PKP2: variants seen among roughly 807,000 people sequenced by gnomAD.
The protein encoded by PKP2 is plakophilin 2, also known as plakophilin-2.
A neutral mutation model predicts 83.4 loss-of-function variants in PKP2; 73 were observed. The observed-to-expected ratio is 0.88, with a 90% CI of 0.72 to 1.06. The LOEUF (loss-of-function observed/expected upper bound fraction) is 1.06. PKP2 is among the 50% of genes least tolerant of loss of function. The pLI is 0.00. For missense variants in PKP2, 966 were observed against 1,065.4 expected (o/e 0.91, Z 1.30); for synonymous variants, 409 against 430.4 (o/e 0.95, Z 0.62).
chr12:32,797,215 G>C (rs2137711803), intron 10 of PKP2, among the ~76,000 whole-genome samples: 1 of 152,096 alleles, frequency 6.6e-6, no homozygotes, highest in South Asian at 2.1e-4. Flanking sequence ...TGAGGTGGGT[G>C]GATCACTTAA....
intron 9 of PKP2, among the ~76,000 whole-genome samples, chr12:32,809,812 G>A (rs1284369369): frequency 6.6e-6 from 1 of 152,152 alleles, no homozygotes; most frequent in Non-Finnish European, 1.5e-5. Flanking sequence ...CCCTTTGCTG[G>A]GGGTGGGGGT....
In PKP2 at chr12:32,796,308, GAA is replaced by G; in HGVS notation, c.2168-12_2168-11del. ...GGGAGAGTTTCTTTGGCTACAAAAT[GAA>G]AAAAAAAACAAAACACTTGATTAAA... On this transcript the variant is annotated splice_polypyrimidine_tract_variant and intron_variant, in intron 10 of 12. Transcript: ENST00000340811. 2.1e-6 allele frequency: 3 copies of G among 1,415,796 alleles called. No individual in the cohort carries two copies. Among genetic ancestry groups the G allele is most frequent in the African/African-American group, 1.5e-5 (1 of 66,866 alleles). 87.7% of individuals were successfully genotyped at this position (1,415,796 alleles called of 1,614,324 possible).
chr12:32,876,145 A>ACACCACC (rs1229741703), intron 3 of PKP2, among the ~76,000 whole-genome samples: 2 of 152,234 alleles, frequency 1.3e-5, no homozygotes, highest in East Asian at 3.9e-4. Flanking sequence ...GGTGTCTCAA[A>ACACCACC]CACCACCCAC....
intron 3 of PKP2, among the ~76,000 whole-genome samples, chr12:32,870,643 T>A (rs1346202900): frequency 6.6e-6 from 1 of 152,342 alleles, no homozygotes; most frequent in East Asian, 1.9e-4. Context: ...ATTCATGGAC[T>A]GAGGCCTTTA....
At chr12:32,852,912 T>C (rs973100062) in intron 4 of PKP2, among the ~76,000 whole-genome samples, 2 of 152,094 alleles carry the variant, frequency 1.3e-5, no homozygotes, top group African/African-American at 4.8e-5. Context: ...TGAAACCCCA[T>C]TTCTACTAAA....
chr12:32,834,204 C>A (rs545749548), intron 6 of PKP2, among the ~76,000 whole-genome samples: 1 of 152,164 alleles, frequency 6.6e-6, no homozygotes. Flanking sequence ...GTTTCCTCCA[C>A]GAAACCCAGA....
intron 4 of PKP2, among the ~76,000 whole-genome samples, chr12:32,866,476 G>A (rs890172807): frequency 2.8e-5 from 4 of 145,332 alleles, no homozygotes; most frequent in Admixed American, 1.4e-4. Context: ...ACTTGAGCCC[G>A]AGAGGTGGAG....
chr12:32,890,189 T>C (rs1027869250), intron 1 of PKP2, among the ~76,000 whole-genome samples: 7 of 152,134 alleles, frequency 4.6e-5, no homozygotes, highest in Admixed American at 1.3e-4. Context: ...GGCTTGTGTA[T>C]TTATCTGTAA....
chr12:32,859,242 G>A (rs1246013884), intron 4 of PKP2, among the ~76,000 whole-genome samples: 1 of 152,166 alleles, frequency 6.6e-6, no homozygotes, highest in African/African-American at 2.4e-5. Context: ...AAAAGCTTAA[G>A]AGAGCTCTGT....
chr12:32,801,909 C>T (rs1260124901), intron 10 of PKP2, among the ~76,000 whole-genome samples: 1 of 152,090 alleles, frequency 6.6e-6, no homozygotes, highest in African/African-American at 2.4e-5. Context: ...GACTCCTTGT[C>T]TTTTTATTGT....
At chr12:32,816,907 T>C (rs1277217443) in intron 9 of PKP2, among the ~76,000 whole-genome samples, 2 of 152,200 alleles carry the variant, frequency 1.3e-5, no homozygotes, top group African/African-American at 2.4e-5. Context: ...TGTCTGTTCA[T>C]GTCTTTGGCT....
chr12:32,877,923 C>T lies in PKP2; in HGVS notation c.957G>A (p.Leu319=). 1 of 1,614,206 alleles carries T rather than the reference C, an allele frequency of 6.2e-7. No individual in the cohort carries two copies. The highest frequency in any genetic ancestry group is 1.1e-5 in the South Asian group (1 of 91,078). Residue 319 remains leucine, a synonymous_variant, in exon 3 of 13, where the codon TTG becomes TTA. Coordinates refer to ENST00000340811, the MANE Select transcript of PKP2 (RefSeq NM_001005242.3). ...AVDSSGRRAH[L]TVGQAAAGGS... The stretch of plus-strand genomic sequence containing the variant: ...CCCCTGCGGCCGCCTGGCCGACAGT[C>T]AAGTGCGCTCTCCTCCCGCTGGAAT...
At chr12:32,800,850 T>C (rs1956172013) in intron 10 of PKP2, among the ~76,000 whole-genome samples, 1 of 152,254 alleles carries the variant, frequency 6.6e-6, no homozygotes, top group Non-Finnish European at 1.5e-5. Flanking sequence ...CTCCATTGCC[T>C]GTCTTTAAGT....
At chr12:32,810,212 C>A (rs1343009549) in intron 9 of PKP2, among the ~76,000 whole-genome samples, 2 of 152,170 alleles carry the variant, frequency 1.3e-5, no homozygotes, top group African/African-American at 4.8e-5. Context: ...TATTCAGAAT[C>A]ATTTTGGCCA....
At chr12:32,887,967 T>TTTGAGA in intron 1 of PKP2, among the ~76,000 whole-genome samples, 1 of 151,938 alleles carries the variant, frequency 6.6e-6, no homozygotes, top group African/African-American at 2.4e-5. Flanking sequence ...ATCACTTGAG[T>TTTGAGA]CCAGGAATTT....
At position 32,865,209 on chromosome 12, in the gene PKP2, T is replaced by A. The variant is rs370205384; in HGVS notation, c.1170+3718A>T. Among the ~76,000 whole-genome samples, 5 of 149,902 alleles carry A rather than the reference T, an allele frequency of 3.3e-5. No homozygotes were observed. In the East Asian group the frequency reaches 6.0e-4, roughly 18 times the overall value. On this transcript the variant is annotated intron_variant, in intron 4 of 12. Transcript: ENST00000340811. ...AGCCAACATGGTGAAATCCTGTCTC[T>A]ACCAAAAATACAAAAATTAGCCGGG...
chr12:32,875,910 A>G (rs949663109), intron 3 of PKP2, among the ~76,000 whole-genome samples: 3 of 152,158 alleles, frequency 2.0e-5, no homozygotes, highest in African/African-American at 7.2e-5. Flanking sequence ...GGCATCAAGG[A>G]TGGAATTGCA....
In PKP2 at chr12:32,864,043, C is replaced by A. The variant is rs534178460; in HGVS notation, c.1170+4884G>T. Reference sequence around the variant, plus strand: ...ATAATGGCAAAATTAAAATTAAAAACCATAAAAATATTTCAATAAATGCAT... The same window carrying A: ...ATAATGGCAAAATTAAAATTAAAAAACATAAAAATATTTCAATAAATGCAT... On this transcript the variant is annotated intron_variant, in intron 4 of 12. Transcript: ENST00000340811. Among the ~76,000 whole-genome samples the A allele has an allele frequency of 6.6e-5, 10 of 152,008 alleles. No homozygotes were observed. The East Asian group carries it at 1.9e-3, about 29-fold the overall frequency.
intron 5 of PKP2, among the ~76,000 whole-genome samples, chr12:32,845,556 A>T (rs1185204051): frequency 6.6e-6 from 1 of 152,160 alleles, no homozygotes; most frequent in East Asian, 1.9e-4. Flanking sequence ...CGTCTCAAAA[A>T]AATAAATAAA....
Sources: gnomAD v4.1 joint callset for allele counts (sites outside exome capture counted in the v4.1 genomes callset) on GRCh38, gnomAD v4.1.1 for gene constraint, MANE v1.5 for transcripts, NCBI Gene and HGNC (gene_info 2026-07-23, HGNC 2026-07-21) for gene names.